Variants in RSPO2 observed in about 807,000 individuals in gnomAD.
RSPO2 encodes the protein R-spondin-2.
RSPO2 carries 14 observed loss-of-function variants against 30.9 expected under a neutral mutation model. That is an observed-to-expected ratio of 0.45 (90% confidence interval 0.30 to 0.71). RSPO2 has a LOEUF of 0.71. RSPO2 is among the 30% of genes least tolerant of loss of function. The pLI is 0.08. For missense variants in RSPO2, 264 were observed against 301.9 expected, an observed-to-expected ratio of 0.87 and a Z score of 0.93; for synonymous variants, 107 against 96.4, an observed-to-expected ratio of 1.11 and a Z score of -0.64.
At chr8:107,977,169 T>C (rs1395588674) in intron 3 of RSPO2, among the ~76,000 whole-genome samples, 1 of 152,200 alleles carries the variant, frequency 6.6e-6, no homozygotes, top group African/African-American at 2.4e-5. Context: ...GAAATATACA[T>C]TTCCTCATAA....
rs142735736 is a variant in RSPO2 at position 107,997,270 on chromosome 8, A to G, written c.95-8026T>C. ...GGCAAAAAATAGACGTTTAAACATG[A>G]ATAGAGTAATTTATTTTGTCAGGAT... On this transcript the variant is annotated intron_variant, in intron 2 of 5. Transcript: ENST00000276659. 830 of 158,110 alleles carry G rather than the reference A, an allele frequency of 5.2e-3. 9 individuals are homozygous for G. The highest frequency in any genetic ancestry group is 0.018 in the African/African-American group (769 of 41,620). 9.8% of individuals were successfully genotyped at this position (158,110 alleles called of 1,614,324 possible).
chr8:107,912,545 C>T (rs1239708249), intron 5 of RSPO2, among the ~76,000 whole-genome samples: 2 of 152,288 alleles, frequency 1.3e-5, no homozygotes, highest in Middle Eastern at 3.4e-3. Flanking sequence ...AGATTCATCT[C>T]TCCTGTGGAC....
intron 2 of RSPO2, among the ~76,000 whole-genome samples, chr8:108,042,896 C>T (rs571949612): frequency 2.0e-5 from 3 of 151,772 alleles, no homozygotes; most frequent in Admixed American, 1.3e-4. Flanking sequence ...CTTCTCACCT[C>T]ACATCTTTGC....
At chr8:107,983,189 G>T in intron 3 of RSPO2, 1 of 1,559,574 alleles carries the variant, frequency 6.4e-7, no homozygotes, top group Non-Finnish European at 8.7e-7. Flanking sequence ...TTAGCTGTAG[G>T]CAAATACGAA....
At chr8:107,901,660 T>C (rs946049590) in intron 5 of RSPO2, among the ~76,000 whole-genome samples, 5 of 152,246 alleles carry the variant, frequency 3.3e-5, no homozygotes, top group African/African-American at 1.2e-4. Flanking sequence ...GCTTTTAACA[T>C]TATTTCCTCC....
At chr8:107,909,294 G>A (rs531604064) in intron 5 of RSPO2, among the ~76,000 whole-genome samples, 29 of 128,516 alleles carry the variant, frequency 2.3e-4, no homozygotes, top group African/African-American at 4.1e-4. Context: ...ATGGAGTCTC[G>A]CTCTGTCGCC....
chr8:108,011,727 T>C (rs1334819098), intron 2 of RSPO2, among the ~76,000 whole-genome samples: 1 of 152,198 alleles, frequency 6.6e-6, no homozygotes, highest in African/African-American at 2.4e-5. Flanking sequence ...ATGCATGGAA[T>C]GTACAAGGTT....
chr8:107,968,385 G>A (rs1813884325), intron 3 of RSPO2, among the ~76,000 whole-genome samples: 1 of 152,072 alleles, frequency 6.6e-6, no homozygotes, highest in Non-Finnish European at 1.5e-5. Flanking sequence ...TCACCTGTGG[G>A]AGCTAAAAAA....
intron 2 of RSPO2, among the ~76,000 whole-genome samples, chr8:108,007,092 C>T (rs888283796): frequency 1.3e-5 from 2 of 152,014 alleles, no homozygotes; most frequent in Non-Finnish European, 2.9e-5. Flanking sequence ...TCATTTCTCC[C>T]CAAAAATATT....
intron 2 of RSPO2, among the ~76,000 whole-genome samples, chr8:108,016,418 G>T (rs900046912): frequency 6.6e-6 from 1 of 152,170 alleles, no homozygotes; most frequent in African/African-American, 2.4e-5. Flanking sequence ...TGCAAGACCA[G>T]CAATGCTGAA....
At chr8:107,902,464 G>A (rs1052108774) in intron 5 of RSPO2, among the ~76,000 whole-genome samples, 6 of 152,002 alleles carry the variant, frequency 3.9e-5, no homozygotes, top group African/African-American at 1.4e-4. Flanking sequence ...TTTCATTCCA[G>A]GCATATAGCA....
chr8:108,029,077 TTTTTTTTTTTTTTTTG>T (rs1811328091), intron 2 of RSPO2, among the ~76,000 whole-genome samples: 4 of 127,248 alleles, frequency 3.1e-5, no homozygotes, highest in South Asian at 2.6e-4. Context: ...TTTTTTTTTT[TTTTTTTTTTTTTTTTG>T]CCTAAAAAGG....
intron 5 of RSPO2, among the ~76,000 whole-genome samples, chr8:107,927,381 C>A (rs1477545134): frequency 6.6e-6 from 1 of 152,178 alleles, no homozygotes; most frequent in African/African-American, 2.4e-5. Context: ...AATTGAATAC[C>A]CTTTATTTCT....
intron 3 of RSPO2, among the ~76,000 whole-genome samples, chr8:107,969,959 C>T (rs1204798814): frequency 6.6e-6 from 1 of 152,066 alleles, no homozygotes. Flanking sequence ...AAATGCAGAT[C>T]TCTCCACCCA....
intron 5 of RSPO2, among the ~76,000 whole-genome samples, chr8:107,901,414 C>T (rs1184350002): frequency 6.6e-6 from 1 of 152,212 alleles, no homozygotes; most frequent in South Asian, 2.1e-4. Flanking sequence ...TTACAGGGAA[C>T]TGGCATATTG....
chr8:108,001,187 G>A (rs189997457), intron 2 of RSPO2, among the ~76,000 whole-genome samples: 440 of 152,124 alleles, frequency 2.9e-3, no homozygotes, highest in African/African-American at 7.3e-3. Flanking sequence ...GCGAGACTCC[G>A]TCTCAAAAAA....
At chr8:107,950,834 T>A (rs1813218950) in intron 5 of RSPO2, among the ~76,000 whole-genome samples, 1 of 152,034 alleles carries the variant, frequency 6.6e-6, no homozygotes, top group South Asian at 2.1e-4. Flanking sequence ...ATGACATGAA[T>A]CATGCTGAGA....
intron 5 of RSPO2, among the ~76,000 whole-genome samples, chr8:107,906,361 T>TTTATATTTTTAGTAATAGCATC (rs2130254752): frequency 6.6e-6 from 1 of 151,034 alleles, no homozygotes; most frequent in South Asian, 2.1e-4. Flanking sequence ...TATTTTATAT[T>TTTATATTTTTAGTAATAGCATC]TTATATTTTT....
At chr8:107,918,148 G>T (rs1208449321) in intron 5 of RSPO2, among the ~76,000 whole-genome samples, 2 of 152,104 alleles carry the variant, frequency 1.3e-5, no homozygotes, top group Non-Finnish European at 2.9e-5. Context: ...TTAAAACGTT[G>T]TTGATCCTTT....
Sources: allele counts gnomAD v4.1 joint callset (sites outside exome capture counted in the v4.1 genomes callset), GRCh38; gene constraint gnomAD v4.1.1; transcripts MANE v1.5; gene names NCBI Gene and HGNC (gene_info 2026-07-23, HGNC 2026-07-21).